ZNF69: variants seen among roughly 807,000 people sequenced by gnomAD.
ZNF69 encodes the protein zinc finger protein 69.
Under a neutral mutation model 50.9 loss-of-function variants are expected in ZNF69, and 47 were observed. That is an observed-to-expected ratio of 0.92 (90% CI 0.73 to 1.18). ZNF69 has a LOEUF of 1.18. ZNF69 is among the 50% of genes most tolerant of loss of function. The pLI is 0.00. For missense variants in ZNF69, 717 were observed against 675.1 expected (o/e 1.06, Z -0.69); for synonymous variants, 216 against 223.1 (o/e 0.97, Z 0.29).
chr19:11,939,808 C>G, the ZNF69 span, among the ~76,000 whole-genome samples: 2 of 152,036 alleles, frequency 1.3e-5, no homozygotes, highest in African/African-American at 4.8e-5. Flanking sequence ...AAACTTAAAA[C>G]TTACCAGCTT....
chr19:11,888,615 A>G (rs1048803191), intron 1 of ZNF69, among the ~76,000 whole-genome samples: 27 of 152,214 alleles, frequency 1.8e-4, no homozygotes, highest in Non-Finnish European at 3.5e-4. Flanking sequence ...TTAGAGAGAC[A>G]GGAATTGCAG....
At chr19:11,934,119 C>T in the ZNF69 span, among the ~76,000 whole-genome samples, 674 of 147,946 alleles carry the variant, frequency 4.6e-3, 37 homozygotes, top group East Asian at 0.1. Context: ...AGAGGTGAGA[C>T]GATTGCTTGA....
the ZNF69 span, among the ~76,000 whole-genome samples, chr19:11,934,460 T>C: frequency 6.7e-6 from 1 of 148,446 alleles, no homozygotes; most frequent in African/African-American, 2.6e-5. Context: ...TGTTTTGGAT[T>C]TTAGCTACTG....
At chr19:11,932,319 G>C in the ZNF69 span, among the ~76,000 whole-genome samples, 1,011 of 147,090 alleles carry the variant, frequency 6.9e-3, 158 homozygotes, top group African/African-American at 0.027. Flanking sequence ...ACTCCAGCCT[G>C]GGTAACAGAA....
At chr19:11,944,542 T>C in the ZNF69 span, among the ~76,000 whole-genome samples, 2 of 152,200 alleles carry the variant, frequency 1.3e-5, no homozygotes, top group Admixed American at 6.5e-5. Context: ...GTAAGGGCAG[T>C]TCAAACCTAG....
At chr19:11,913,664 C>T in exon 5 of ZNF69, 1 of 273,900 alleles carries the variant, frequency 3.7e-6, no homozygotes, top group Non-Finnish European at 6.8e-6. Flanking sequence ...GCTGGGATTA[C>T]AGATATGAGC....
chr19:11,940,424 G>C, the ZNF69 span, among the ~76,000 whole-genome samples: 1 of 152,076 alleles, frequency 6.6e-6, no homozygotes, highest in Admixed American at 6.6e-5. Flanking sequence ...TGGTGGGTTT[G>C]TGGTCTCGCT....
At chr19:11,925,492 G>C in the ZNF69 span, among the ~76,000 whole-genome samples, 1 of 152,272 alleles carries the variant, frequency 6.6e-6, no homozygotes, top group Non-Finnish European at 1.5e-5. Context: ...CGGCGACTGC[G>C]GCCGCGGCCC....
At chr19:11,948,886 C>T in the ZNF69 span, 2 of 1,602,388 alleles carry the variant, frequency 1.2e-6, no homozygotes, top group South Asian at 1.1e-5. Flanking sequence ...TAAAGCATTT[C>T]ATAGTTCTAG....
the ZNF69 span, among the ~76,000 whole-genome samples, chr19:11,952,057 CCTAG>C: frequency 2.0e-5 from 3 of 152,080 alleles, no homozygotes; most frequent in Non-Finnish European, 4.4e-5. Flanking sequence ...CTCCTGTAAT[CCTAG>C]CTAGTCAGGA....
the ZNF69 span, among the ~76,000 whole-genome samples, chr19:11,960,152 A>G: frequency 6.7e-6 from 1 of 150,220 alleles, no homozygotes; most frequent in Non-Finnish European, 1.5e-5. Flanking sequence ...CTCGTGCCTT[A>G]GCGTCCCGGG....
chr19:11,957,932 C>T, the ZNF69 span, among the ~76,000 whole-genome samples: 241 of 152,070 alleles, frequency 1.6e-3, no homozygotes, highest in Non-Finnish European at 2.7e-3. Flanking sequence ...CTAAAGATCA[C>T]TAAAGAGAAA....
chr19:11,944,235 G>C, the ZNF69 span, among the ~76,000 whole-genome samples: 1 of 152,156 alleles, frequency 6.6e-6, no homozygotes, highest in African/African-American at 2.4e-5. Flanking sequence ...GGGAGTGCCT[G>C]GAAGTCCCCA....
At chr19:11,950,377 G>T in the ZNF69 span, 258 of 995,782 alleles carry the variant, frequency 2.6e-4, no homozygotes, top group Non-Finnish European at 3.8e-4. Flanking sequence ...TCACACTGGG[G>T]AGAAACCCTA....
chr19:11,967,700 G>A, the ZNF69 span, among the ~76,000 whole-genome samples: 1 of 152,112 alleles, frequency 6.6e-6, no homozygotes, highest in African/African-American at 2.4e-5. Context: ...ACCATGTCCG[G>A]CCCCTGTCTC....
chr19:11,919,574 A>AC, the ZNF69 span, among the ~76,000 whole-genome samples: 1 of 152,194 alleles, frequency 6.6e-6, no homozygotes, highest in Non-Finnish European at 1.5e-5. Flanking sequence ...CCTGGGCCAC[A>AC]CAGGGAGACC....
rs748326428 is a variant in ZNF69 at position 11,903,619 on chromosome 19, A to G, written c.110A>G (p.Glu37Gly). The change falls in exon 2 of 4, where the codon GAG (glutamate) becomes GGG (glycine). Residue 37 changes from glutamate to glycine, a missense_variant. Physicochemically the swap from Glu to Gly is moderately conservative, Grantham distance 98 (BLOSUM62 -2). Transcript: ENST00000429654. Reference protein sequence around the residue: ...DDVAVNFTQEEWALLDISQRK... With the variant: ...DDVAVNFTQEGWALLDISQRK... ...GTTGCTGTGAACTTCACCCAGGAGG[A>G]GTGGGCTTTGCTGGATATTTCCCAG... 2.5e-6 allele frequency: 4 copies of G among 1,614,094 alleles called. No homozygotes were observed. The East Asian group carries it at 8.9e-5, about 36-fold the overall frequency.
chr19:11,973,501 C>G, the ZNF69 span, among the ~76,000 whole-genome samples: 1 of 152,136 alleles, frequency 6.6e-6, no homozygotes, highest in East Asian at 1.9e-4. Flanking sequence ...TCTTGTGAGC[C>G]ACCACGTTCG....
chr19:11,897,371 A>G (rs1173912232), intron 1 of ZNF69, among the ~76,000 whole-genome samples: 1 of 151,932 alleles, frequency 6.6e-6, no homozygotes, highest in Non-Finnish European at 1.5e-5. Flanking sequence ...TAAAAATAAA[A>G]ATAAAGAGAT....
Sources: gnomAD v4.1 joint callset for allele counts (sites outside exome capture counted in the v4.1 genomes callset) on GRCh38, gnomAD v4.1.1 for gene constraint, MANE v1.5 for transcripts, NCBI Gene and HGNC (gene_info 2026-07-23, HGNC 2026-07-21) for gene names.